RSPH1: variants seen among roughly 807,000 people sequenced by gnomAD.
RSPH1 encodes radial spoke head component 1, also known as radial spoke head 1 homolog.
In RSPH1, 32 loss-of-function variants were observed where a neutral mutation model predicts 44.2. That is an observed-to-expected ratio of 0.72 (90% CI 0.55 to 0.97). RSPH1 has a LOEUF of 0.97. Among genes scored for constraint, RSPH1 ranks in the 50% least tolerant of loss-of-function variants. The probability of loss-of-function intolerance (pLI) is 0.00; values close to 1 mark genes in which losing one functional copy is unlikely to be tolerated. For missense variants in RSPH1, 391 were observed against 398.7 expected, an observed-to-expected ratio of 0.98 and a Z score of 0.16; for synonymous variants, 134 against 147.3, an observed-to-expected ratio of 0.91 and a Z score of 0.65.
chr21:42,494,991 C>T (rs939778314), intron 1 of RSPH1, among the ~76,000 whole-genome samples: 1 of 152,134 alleles, frequency 6.6e-6, no homozygotes, highest in Non-Finnish European at 1.5e-5. Context: ...TGAGCCACCG[C>T]GCCTGGCCTG....
At chr21:42,476,803 C>G (rs1022886138) in intron 7 of RSPH1, among the ~76,000 whole-genome samples, 2 of 152,172 alleles carry the variant, frequency 1.3e-5, no homozygotes, top group African/African-American at 4.8e-5. Flanking sequence ...TTCCTCTCCC[C>G]TCCGCTCTCC....
At chr21:42,492,588 T>C (rs2054246750) in intron 3 of RSPH1, among the ~76,000 whole-genome samples, 170 bp downstream of exon 3, 1 of 152,222 alleles carries the variant, frequency 6.6e-6, no homozygotes, top group Non-Finnish European at 1.5e-5. Context: ...TACAAGGCTT[T>C]CCTATTTCTG....
Position 42,472,654 on chromosome 21 carries a change from A to T in RSPH1, c.*164T>A. On this transcript the variant is annotated 3_prime_UTR_variant, in exon 9 of 9. Transcript: ENST00000291536. ...GGTCTCGCTCTGCCACCCAGGCTGG[A>T]GAGCAGTGGCGCGATCTCCACTCAC... The T allele has an allele frequency of 1.9e-6, 1 of 520,570 alleles. No individual in the cohort carries two copies. Among genetic ancestry groups the T allele is most frequent in the South Asian group, 3.3e-5 (1 of 30,424 alleles). The allele number at this position is 520,570 out of a possible 1,614,324, so 32.2% of individuals were successfully genotyped here. A position where few individuals can be genotyped will look rare whatever the true frequency, so the allele number is the denominator to read the frequency against.
chr21:42,483,461 T>C (rs1304721719), intron 5 of RSPH1, among the ~76,000 whole-genome samples: 1 of 151,906 alleles, frequency 6.6e-6, no homozygotes, highest in South Asian at 2.1e-4. Flanking sequence ...TATTTTTACA[T>C]GTTTTTTTAT....
At chr21:42,492,642 T>C in intron 3 of RSPH1, 116 bp downstream of exon 3, 1 of 659,664 alleles carries the variant, frequency 1.5e-6, no homozygotes, top group Admixed American at 2.5e-5. Flanking sequence ...GTTCGTTGAA[T>C]GAGTAACTGG....
At chr21:42,478,215 A>AT (rs1438460818) in intron 6 of RSPH1, among the ~76,000 whole-genome samples, 2 of 152,272 alleles carry the variant, frequency 1.3e-5, no homozygotes, top group Non-Finnish European at 1.5e-5. Flanking sequence ...CATCAGCACT[A>AT]TGACTATGGA....
At position 42,486,508 on chromosome 21, in the gene RSPH1, G is replaced by A. The variant is rs375947078; in HGVS notation, c.275-47C>T. The A allele has an allele frequency of 9.1e-6, 12 of 1,316,616 alleles. No homozygotes were observed. The Admixed American group carries it at 1.2e-4, about 13-fold the overall frequency. The allele number at this position is 1,316,616 out of a possible 1,614,324, so 81.6% of individuals were successfully genotyped here. On this transcript the variant is annotated intron_variant, in intron 3 of 8. Transcript: ENST00000291536. ...CAAGCCCAGGTGAGAAGAAGGGATCGATGCCCTGTACCATGTCTTCAAATT... is the reference window on the plus strand; with the variant it reads ...CAAGCCCAGGTGAGAAGAAGGGATCAATGCCCTGTACCATGTCTTCAAATT...
At chr21:42,479,224 G>A (rs942699194) in intron 6 of RSPH1, among the ~76,000 whole-genome samples, 1 of 152,222 alleles carries the variant, frequency 6.6e-6, no homozygotes, top group Non-Finnish European at 1.5e-5. Flanking sequence ...CCTTACTAGG[G>A]AGAGAGAACA....
At chr21:42,477,479 T>C in intron 6 of RSPH1, 35 bp from the exon 7 acceptor site, 2 of 1,605,538 alleles carry the variant, frequency 1.2e-6, no homozygotes, top group Non-Finnish European at 1.7e-6. Flanking sequence ...TTTACCAACA[T>C]TTGTGTCATC....
chr21:42,478,688 C>T (rs961893087), intron 6 of RSPH1, among the ~76,000 whole-genome samples: 11 of 152,236 alleles, frequency 7.2e-5, no homozygotes. Flanking sequence ...AGCAATTCCA[C>T]TCCTCGGTAT....
intron 3 of RSPH1, among the ~76,000 whole-genome samples, chr21:42,488,712 C>T (rs917311956): frequency 3.3e-5 from 5 of 152,136 alleles, no homozygotes; most frequent in African/African-American, 7.2e-5. Flanking sequence ...TTAAGAGGCT[C>T]GGCCCAGCAT....
chr21:42,476,995 T>TCCAC (rs1568958613), intron 7 of RSPH1, among the ~76,000 whole-genome samples: 18 of 30,616 alleles, frequency 5.9e-4, no homozygotes, highest in Middle Eastern at 0.017. Flanking sequence ...ACACCCTCTG[T>TCCAC]CCCACAGCCC....
At chr21:42,475,721 T>G (rs2054039950) in intron 8 of RSPH1, among the ~76,000 whole-genome samples, 177 bp downstream of exon 8, 1 of 129,292 alleles carries the variant, frequency 7.7e-6, no homozygotes, top group Non-Finnish European at 1.6e-5. Flanking sequence ...CAGGAGGGCC[T>G]GCCAGGGAGC....
chr21:42,492,956 C>T lies in RSPH1; in HGVS notation c.168+10G>A, dbSNP rs974418288. 5.6e-6 allele frequency: 9 copies of T among 1,611,386 alleles called. No homozygotes were observed. Among genetic ancestry groups the T allele is most frequent in the South Asian group, 2.2e-5 (2 of 90,990 alleles). ...AGAGAAAACCATCCAGTCAAGTCAA[C>T]GGTTCTGACCTGGCCATGTCTTTTA... is the stretch of plus-strand genomic sequence containing the variant. On this transcript the variant is annotated intron_variant, in intron 2 of 8. Transcript: ENST00000291536.
At chr21:42,485,491 T>C (rs1204801546) in intron 5 of RSPH1, 178 bp downstream of exon 5, 1 of 666,558 alleles carries the variant, frequency 1.5e-6, no homozygotes, top group East Asian at 2.8e-5. Flanking sequence ...CCCCCAATTC[T>C]GTGCTCTGTG....
intron 5 of RSPH1, 165 bp downstream of exon 5, chr21:42,485,503 GT>G: frequency 2.8e-6 from 2 of 717,738 alleles, no homozygotes; most frequent in South Asian, 3.7e-5. Flanking sequence ...TGCTCTGTGG[GT>G]ACCAGAGGCT....
At chr21:42,488,699 C>G (rs1232830198) in intron 3 of RSPH1, among the ~76,000 whole-genome samples, 1 of 152,122 alleles carries the variant, frequency 6.6e-6, no homozygotes, top group Non-Finnish European at 1.5e-5. Context: ...CTTAAAAAAC[C>G]TGTTAAGAGG....
rs189491306 is a variant in RSPH1 at position 42,478,255 on chromosome 21, C to T, written c.574-811G>A. ...TTCGCTGCCACATAGGTGATAATAC[C>T]GATGACAGAGAGGGGCAGACACCTG... On this transcript the variant is annotated intron_variant, in intron 6 of 8. Transcript: ENST00000291536. Among the ~76,000 whole-genome samples, 14 of 152,338 alleles carry T rather than the reference C, an allele frequency of 9.2e-5. No homozygotes were observed. The East Asian group carries it at 1.9e-3, about 21-fold the overall frequency.
chr21:42,480,282 A>G (rs778170573), intron 6 of RSPH1, among the ~76,000 whole-genome samples: 12 of 152,212 alleles, frequency 7.9e-5, no homozygotes, highest in Non-Finnish European at 1.5e-4. Context: ...AGGGATAAAG[A>G]TTCAAAGACT....
Sources: allele counts gnomAD v4.1 joint callset (sites outside exome capture counted in the v4.1 genomes callset), GRCh38; gene constraint gnomAD v4.1.1; transcripts MANE v1.5; gene names NCBI Gene and HGNC (gene_info 2026-07-23, HGNC 2026-07-21).